The following LSAMP variants were observed in gnomAD, a reference collection of about 807,000 sequenced individuals.
The protein encoded by LSAMP is limbic system-associated membrane protein.
A neutral mutation model predicts 38.6 loss-of-function variants in LSAMP; 7 were observed. The ratio of observed to expected loss-of-function variants is 0.18; its 90% confidence interval spans 0.10 to 0.34. LSAMP has a LOEUF of 0.34. Ranked by LOEUF, LSAMP falls within the 10% of genes least tolerant of loss-of-function variation. LSAMP has a pLI of 1.00. For missense variants in LSAMP, 313 were observed against 420.0 expected (o/e 0.75, Z 2.23); for synonymous variants, 154 against 166.8 (o/e 0.92, Z 0.59).
chr3:116,032,918 G>GTCTGGT (rs1395236669), intron 2 of LSAMP, among the ~76,000 whole-genome samples: 3 of 152,144 alleles, frequency 2.0e-5, no homozygotes, highest in Admixed American at 1.3e-4. Context: ...AGATAAGAAA[G>GTCTGGT]TCTGGTTAGG....
chr3:116,293,300 G>C (rs2047292056), intron 1 of LSAMP, among the ~76,000 whole-genome samples: 1 of 152,170 alleles, frequency 6.6e-6, no homozygotes, highest in African/African-American at 2.4e-5. Flanking sequence ...CTAATGGTGG[G>C]CATCAGTTGT....
intron 1 of LSAMP, among the ~76,000 whole-genome samples, chr3:116,159,636 T>C (rs1446667452): frequency 1.3e-5 from 2 of 152,174 alleles, no homozygotes; most frequent in African/African-American, 4.8e-5. Flanking sequence ...AGGGAACAAT[T>C]ATATACTGCT....
intron 1 of LSAMP, among the ~76,000 whole-genome samples, chr3:116,278,743 A>C (rs2047085922): frequency 6.6e-6 from 1 of 152,232 alleles, no homozygotes. Context: ...CTCAACACCT[A>C]GCACATTGCT....
At chr3:116,106,860 G>A (rs1708479729) in intron 1 of LSAMP, among the ~76,000 whole-genome samples, 1 of 152,110 alleles carries the variant, frequency 6.6e-6, no homozygotes, top group African/African-American at 2.4e-5. Flanking sequence ...GCAAATCCTC[G>A]AGCTTGATGT....
intron 1 of LSAMP, among the ~76,000 whole-genome samples, chr3:116,417,847 C>T (rs2049072431): frequency 6.6e-6 from 1 of 152,088 alleles, no homozygotes; most frequent in South Asian, 2.1e-4. Flanking sequence ...TGCTGTGTCT[C>T]TAAGTATCAG....
intron 1 of LSAMP, among the ~76,000 whole-genome samples, chr3:116,260,665 A>C (rs1392185254): frequency 6.6e-6 from 1 of 152,062 alleles, no homozygotes; most frequent in Non-Finnish European, 1.5e-5. Flanking sequence ...CTAGGATAGG[A>C]CTTCTTTGCT....
intron 3 of LSAMP, among the ~76,000 whole-genome samples, chr3:115,853,156 C>T (rs1480676519): frequency 6.6e-6 from 1 of 152,234 alleles, no homozygotes; most frequent in African/African-American, 2.4e-5. Flanking sequence ...TTGCAAAGCA[C>T]TCTTTACACC....
intron 1 of LSAMP, among the ~76,000 whole-genome samples, chr3:116,385,576 C>T (rs2048615011): frequency 6.6e-6 from 1 of 152,082 alleles, no homozygotes; most frequent in South Asian, 2.1e-4. Flanking sequence ...TCCCTATTCT[C>T]TATGCATCTT....
chr3:116,278,122 T>G (rs56672622), intron 1 of LSAMP, among the ~76,000 whole-genome samples: 1 of 152,298 alleles, frequency 6.6e-6, no homozygotes, highest in African/African-American at 2.4e-5. Context: ...GTGCTCTTAT[T>G]TATAATTTAG....
intron 1 of LSAMP, among the ~76,000 whole-genome samples, chr3:116,091,128 G>C (rs901839998): frequency 6.6e-6 from 1 of 152,184 alleles, no homozygotes; most frequent in Non-Finnish European, 1.5e-5. Flanking sequence ...CCCCAGGTGC[G>C]CATTCTCTTT....
chr3:116,387,277 G>A (rs1367378068), intron 1 of LSAMP, among the ~76,000 whole-genome samples: 1 of 152,058 alleles, frequency 6.6e-6, no homozygotes, highest in Non-Finnish European at 1.5e-5. Flanking sequence ...AGGAATAAAG[G>A]TATATGGACA....
chr3:115,954,105 CCA>C (rs1938378708), intron 3 of LSAMP, among the ~76,000 whole-genome samples: 2 of 152,060 alleles, frequency 1.3e-5, no homozygotes, highest in Non-Finnish European at 2.9e-5. Context: ...GCCTTCTTCC[CCA>C]CTCCCTCATC....
intron 3 of LSAMP, among the ~76,000 whole-genome samples, chr3:115,904,832 C>G (rs1412442544): frequency 6.6e-6 from 1 of 152,138 alleles, no homozygotes. Context: ...AAAGATGCCT[C>G]TGATTTTTAC....
intron 2 of LSAMP, among the ~76,000 whole-genome samples, chr3:116,045,404 G>A (rs1172823807): frequency 6.6e-6 from 1 of 152,090 alleles, no homozygotes; most frequent in Non-Finnish European, 1.5e-5. Flanking sequence ...AACAAGTAGG[G>A]AATGAAGGCA....
chr3:115,883,181 G>A (rs188440132), intron 3 of LSAMP, among the ~76,000 whole-genome samples: 109 of 152,106 alleles, frequency 7.2e-4, no homozygotes, highest in Non-Finnish European at 1.2e-3. Flanking sequence ...AGAAGGCAAC[G>A]GGGTAGGCCT....
At chr3:116,101,691 A>G (rs189937403) in intron 1 of LSAMP, among the ~76,000 whole-genome samples, 34 of 152,294 alleles carry the variant, frequency 2.2e-4, no homozygotes, top group Admixed American at 3.9e-4. Context: ...CAAATCTCTT[A>G]TCATCCAAAC....
chr3:116,215,856 C>T (rs1370828089), intron 1 of LSAMP, among the ~76,000 whole-genome samples: 2 of 152,120 alleles, frequency 1.3e-5, no homozygotes, highest in African/African-American at 4.8e-5. Context: ...GAATAACATG[C>T]TTAGATGATT....
At chr3:116,310,306 C>A (rs965428761) in intron 1 of LSAMP, among the ~76,000 whole-genome samples, 5 of 152,148 alleles carry the variant, frequency 3.3e-5, no homozygotes, top group African/African-American at 1.2e-4. Context: ...TCTGGCAATG[C>A]AAGTCCTTGC....
In LSAMP at chr3:116,421,576, A is replaced by G. The variant is rs2049128317; in HGVS notation, c.155+23301T>C. Among the ~76,000 whole-genome samples, 3 of 152,104 alleles carry G rather than the reference A, an allele frequency of 2.0e-5. 1 individual carries two copies. The highest frequency in any genetic ancestry group is 6.5e-5 in the Admixed American group (1 of 15,278). ...AAAAAGAAGAAGAAGAAGAGTTCTC[A>G]AAATTCAATAATAAGGAACAAAATT... On this transcript the variant is annotated intron_variant, in intron 1 of 6. Coordinates refer to ENST00000490035, the MANE Select transcript of LSAMP (RefSeq NM_002338.5).
Sources: allele counts gnomAD v4.1 joint callset (sites outside exome capture counted in the v4.1 genomes callset), GRCh38; gene constraint gnomAD v4.1.1; transcripts MANE v1.5; gene names NCBI Gene and HGNC (gene_info 2026-07-23, HGNC 2026-07-21).